STAR: variants seen among roughly 807,000 people sequenced by gnomAD.
The protein encoded by STAR is steroidogenic acute regulatory protein.
A neutral mutation model predicts 32.3 loss-of-function variants in STAR; 32 were observed. The observed-to-expected ratio is 0.99, with a 90% CI of 0.75 to 1.33. The LOEUF is 1.33. Ranked by LOEUF, STAR falls within the 40% of genes most tolerant of loss-of-function variation. The probability of loss-of-function intolerance (pLI) is 0.00; values close to 1 mark genes in which losing one functional copy is unlikely to be tolerated. For missense variants in STAR, 375 were observed against 379.0 expected (o/e 0.99, Z 0.09); for synonymous variants, 134 against 140.5 (o/e 0.95, Z 0.33).
In STAR at chr8:38,145,092, C is replaced by G; in HGVS notation, c.744+130G>C. ...TAGCAGTTAGGCCATCACTCCAGAC[C>G]CTTCCCTGTCTTACAGCCTGTGATT... On this transcript the variant is annotated intron_variant, in intron 6 of 6. Transcript: ENST00000276449. 9 of 1,538,572 alleles carry G rather than the reference C, an allele frequency of 5.8e-6. No homozygotes were observed. The South Asian group carries it at 9.5e-5, about 16-fold the overall frequency.
chr8:38,145,297 A>G lies in STAR; in HGVS notation c.669T>C (p.Thr223=), dbSNP rs758221945. 1 of 1,614,134 alleles carries G rather than the reference A, an allele frequency of 6.2e-7. No individual in the cohort carries two copies. Among genetic ancestry groups the G allele is most frequent in the Non-Finnish European group, 8.5e-7 (1 of 1,180,030 alleles). The change falls in exon 6 of 7, where the codon ACT becomes ACC. Residue 223 remains threonine (T), a synonymous_variant. Coordinates refer to ENST00000276449, the MANE Select transcript of STAR (RefSeq NM_000349.3). ...CAGCCAACGGGTGAAGCACCATGCAAGTGGGACCGTGCTCCGCCCTGGCAA... is the reference window on the plus strand; with the variant it reads ...CAGCCAACGGGTGAAGCACCATGCAGGTGGGACCGTGCTCCGCCCTGGCAA... ...KGVIRAEHGP[T]CMVLHPLAGS...
rs756636550 is a variant in STAR at position 38,150,789 on chromosome 8, A to C, written c.30T>G (p.Ala10=). MLLATFKLC[A]GSSYRHMRNM... ...TGCGCATGTGTCTGTAGGAGCTCCC[A>C]GCGCACAGCTTGAATGTCGCTAGCA... Residue 10 remains alanine, a synonymous_variant, in exon 1 of 7, where the codon GCT becomes GCG. Transcript: ENST00000276449. 1 of 1,607,098 alleles carries C rather than the reference A, an allele frequency of 6.2e-7. No homozygotes were observed. The highest frequency in any genetic ancestry group is 8.5e-7 in the Non-Finnish European group (1 of 1,179,974).
rs778291686 is a variant in STAR at position 38,145,954 on chromosome 8, C to T, written c.650+9G>A. On this transcript the variant is annotated intron_variant, in intron 5 of 6. Coordinates refer to ENST00000276449, the MANE Select transcript of STAR (RefSeq NM_000349.3). ...AAGAGGGGGGTTTGGAGCCTGCTGC[C>T]CGTATTACCTGATGACACCCTTCTG... is the stretch of plus-strand genomic sequence containing the variant. The T allele has an allele frequency of 1.9e-6, 3 of 1,613,308 alleles. No individual in the cohort carries two copies. The South Asian group carries it at 3.3e-5, about 18-fold the overall frequency.
intron 2 of STAR, 82 bp from the exon 3 acceptor site, chr8:38,148,409 C>T: frequency 6.3e-7 from 1 of 1,592,310 alleles, no homozygotes. Context: ...TCTGGGTCTG[C>T]TCATTGCTCT....
intron 5 of STAR, 71 bp downstream of exon 5, chr8:38,145,892 C>G: frequency 6.3e-7 from 1 of 1,594,896 alleles, no homozygotes; most frequent in Non-Finnish European, 8.6e-7. Flanking sequence ...GGGATGCAGT[C>G]CACATGCTTG....
intron 1 of STAR, among the ~76,000 whole-genome samples, chr8:38,149,391 T>G (rs1022311319): frequency 1.3e-5 from 2 of 152,202 alleles, no homozygotes; most frequent in Non-Finnish European, 2.9e-5. Flanking sequence ...TTGTGTACCC[T>G]TCAGTGGCAG....
chr8:38,145,020 A>G (rs1179985631), intron 6 of STAR: 2 of 1,400,124 alleles, frequency 1.4e-6, no homozygotes, highest in Non-Finnish European at 1.9e-6. Context: ...AAAAAAAAAA[A>G]AAAAAAAAAG....
chr8:38,146,697 C>A (rs1030702260), intron 3 of STAR, among the ~76,000 whole-genome samples: 1 of 151,942 alleles, frequency 6.6e-6, no homozygotes, highest in Non-Finnish European at 1.5e-5. Flanking sequence ...ATTGCTTGAA[C>A]CTGCACGGCA....
chr8:38,145,009 G>GAA (rs140343934), intron 6 of STAR: 58 of 1,151,800 alleles, frequency 5.0e-5, no homozygotes, highest in East Asian at 4.1e-4. Flanking sequence ...ACTGAGTCTC[G>GAA]AAAAAAAAAA....
At chr8:38,149,374 G>T (rs1802630364) in intron 1 of STAR, among the ~76,000 whole-genome samples, 1 of 152,198 alleles carries the variant, frequency 6.6e-6, no homozygotes, top group African/African-American at 2.4e-5. Flanking sequence ...ATCGTGCCTA[G>T]ATTGACTTGT....
At position 38,143,045 on chromosome 8, in the gene STAR, A is replaced by G. The variant is rs1802493916; in HGVS notation, c.*1228T>C. 6.6e-6 allele frequency among the ~76,000 whole-genome samples: 1 copy of G among 152,154 alleles called. No individual in the cohort carries two copies. The highest frequency in any genetic ancestry group is 2.4e-5 in the African/African-American group (1 of 41,426). Reference sequence around the variant, plus strand: ...ATATTTGGCACTGCCTTTCCTTTTAATTAGGTAAATAAACAGTTATAATCT... The same window carrying G: ...ATATTTGGCACTGCCTTTCCTTTTAGTTAGGTAAATAAACAGTTATAATCT... On this transcript the variant is annotated 3_prime_UTR_variant, in exon 7 of 7. Coordinates refer to ENST00000276449, the MANE Select transcript of STAR (RefSeq NM_000349.3).
At chr8:38,149,090 A>G in intron 1 of STAR, 1 of 359,622 alleles carries the variant, frequency 2.8e-6, no homozygotes, top group South Asian at 2.4e-5. Context: ...TAAGGAGAAT[A>G]CAACTCCTGA....
chr8:38,146,480 A>G, intron 3 of STAR, 33 bp from the exon 4 acceptor site: 1 of 1,611,182 alleles, frequency 6.2e-7, no homozygotes, highest in Non-Finnish European at 8.5e-7. Context: ...GAAGGTGGTT[A>G]GACAAAAATA....
intron 6 of STAR, chr8:38,144,864 C>G: frequency 1.6e-6 from 1 of 612,256 alleles, no homozygotes; most frequent in Non-Finnish European, 2.4e-6. Flanking sequence ...CAAAAATTAG[C>G]CATGTGTGGT....
In STAR at chr8:38,148,679, G is replaced by A. The variant is rs182563252; in HGVS notation, c.140C>T (p.Thr47Met). 7.4e-6 allele frequency: 12 copies of A among 1,614,124 alleles called. No homozygotes were observed. The Admixed American group carries it at 1.0e-4, about 13-fold the overall frequency. Residue 47 changes from threonine to methionine, a missense_variant, in exon 2 of 7, where the codon ACG (threonine) becomes ATG (methionine). Thr to Met is a moderately conservative substitution (Grantham distance 81). Coordinates refer to ENST00000276449, the MANE Select transcript of STAR (RefSeq NM_000349.3). ...CCGCCGCCGAACCTGGTTAATCCAC[G>A]TGCTAGGGGTGGGGCCCCCCAGGGC... is the stretch of plus-strand genomic sequence containing the variant. The part of the protein sequence containing the change: ...RRALGGPTPS[T>M]WINQVRRRSS...
intron 6 of STAR, 135 bp from the exon 7 acceptor site, chr8:38,144,521 G>C (rs1802528818): frequency 4.6e-6 from 7 of 1,511,436 alleles, no homozygotes; most frequent in Non-Finnish European, 6.2e-6. Flanking sequence ...GAGTTGCCCA[G>C]TCAAGGGCGG....
rs755823086 is a variant in STAR, at chr8:38,148,199, C to T, written c.306+1G>A. The T allele has an allele frequency of 1.2e-5, 19 of 1,613,914 alleles. No individual in the cohort carries two copies. The highest frequency in any genetic ancestry group is 2.7e-5 in the African/African-American group (2 of 74,910). Reference sequence around the variant, plus strand: ...ACCACAGGCTTCTCCCCGACACTTACCTGCTGACTCTCCTTCTTCCAGCCC... The same window carrying T: ...ACCACAGGCTTCTCCCCGACACTTATCTGCTGACTCTCCTTCTTCCAGCCC... On this transcript the variant is annotated splice_donor_variant, in intron 3 of 6. Transcript: ENST00000276449. LOFTEE classifies it high-confidence loss of function.
intron 1 of STAR, among the ~76,000 whole-genome samples, chr8:38,150,398 C>CA (rs770919006): frequency 1.5e-3 from 80 of 54,412 alleles, no homozygotes; most frequent in Admixed American, 6.2e-3. Flanking sequence ...TTTATTCAAA[C>CA]AAAAAAAAAA....
intron 1 of STAR, among the ~76,000 whole-genome samples, chr8:38,150,310 G>A (rs1437820542): frequency 6.6e-6 from 1 of 151,828 alleles, no homozygotes; most frequent in Admixed American, 6.6e-5. Flanking sequence ...GAGGTGGGAG[G>A]ATGGCTTGAG....
Sources: allele counts gnomAD v4.1 joint callset (sites outside exome capture counted in the v4.1 genomes callset), GRCh38; gene constraint gnomAD v4.1.1; transcripts MANE v1.5; gene names NCBI Gene and HGNC (gene_info 2026-07-23, HGNC 2026-07-21).